The following LINGO2 variants were observed in gnomAD, a reference collection of about 807,000 sequenced individuals.
LINGO2 encodes leucine-rich repeat and immunoglobulin-like domain-containing nogo receptor-interacting protein 2.
Under a neutral mutation model 30.6 loss-of-function variants are expected in LINGO2, and 14 were observed. The observed-to-expected ratio is 0.46, with a 90% CI of 0.30 to 0.72. The LOEUF (loss-of-function observed/expected upper bound fraction) is 0.72. Ranked by LOEUF, LINGO2 falls within the 30% of genes least tolerant of loss-of-function variation. LINGO2 has a pLI of 0.07. For synonymous variants in LINGO2, 317 were observed against 288.5 expected, an observed-to-expected ratio of 1.10 and a Z score of -1.00; for missense variants, 729 against 751.7, an observed-to-expected ratio of 0.97 and a Z score of 0.35.
chr9:28,151,514 A>C (rs1233999712), intron 4 of LINGO2, among the ~76,000 whole-genome samples: 1 of 151,868 alleles, frequency 6.6e-6, no homozygotes, highest in Non-Finnish European at 1.5e-5. Context: ...ACTGCAAATC[A>C]AGTCAAGATC....
the LINGO2 span, among the ~76,000 whole-genome samples, chr9:28,772,497 A>C: frequency 6.6e-6 from 1 of 152,232 alleles, no homozygotes; most frequent in Non-Finnish European, 1.5e-5. Context: ...ATAACCAGTA[A>C]AATGAGACCC....
At chr9:29,052,772 G>A in the LINGO2 span, among the ~76,000 whole-genome samples, 1 of 152,144 alleles carries the variant, frequency 6.6e-6, no homozygotes, top group Non-Finnish European at 1.5e-5. Context: ...GGTACTACCA[G>A]TCTGGATCTT....
At chr9:28,334,616 T>C (rs954277248) in intron 3 of LINGO2, among the ~76,000 whole-genome samples, 2 of 152,070 alleles carry the variant, frequency 1.3e-5, no homozygotes, top group African/African-American at 2.4e-5. Flanking sequence ...GGGACTCTAG[T>C]AGGTTTGGGT....
chr9:28,445,750 G>A (rs2135043065), intron 2 of LINGO2, among the ~76,000 whole-genome samples: 1 of 152,232 alleles, frequency 6.6e-6, no homozygotes, highest in African/African-American at 2.4e-5. Flanking sequence ...AGGCAAAATT[G>A]CACCTGATTC....
the LINGO2 span, among the ~76,000 whole-genome samples, chr9:29,001,114 A>G: frequency 6.6e-6 from 1 of 151,118 alleles, no homozygotes; most frequent in Non-Finnish European, 1.5e-5. Context: ...TGAACGTGAG[A>G]GAGAGAGAGA....
the LINGO2 span, among the ~76,000 whole-genome samples, chr9:28,797,662 T>C: frequency 6.6e-6 from 1 of 152,068 alleles, no homozygotes; most frequent in Non-Finnish European, 1.5e-5. Context: ...TTTGGACATG[T>C]TTACTTTGAT....
chr9:28,710,495 G>A, the LINGO2 span, among the ~76,000 whole-genome samples: 32 of 151,920 alleles, frequency 2.1e-4, no homozygotes, highest in Admixed American at 3.9e-4. Context: ...AGATATTTAC[G>A]TGACTAAACC....
the LINGO2 span, among the ~76,000 whole-genome samples, chr9:28,916,047 C>T: frequency 6.6e-6 from 1 of 152,146 alleles, no homozygotes; most frequent in African/African-American, 2.4e-5. Flanking sequence ...AACACCAGTT[C>T]AGGCCATGGT....
intron 4 of LINGO2, among the ~76,000 whole-genome samples, chr9:28,021,514 G>C (rs1476195232): frequency 6.6e-6 from 1 of 152,072 alleles, no homozygotes; most frequent in Non-Finnish European, 1.5e-5. Context: ...TAAGTTGATT[G>C]GTAGAGCTGT....
At chr9:28,950,281 C>A in the LINGO2 span, among the ~76,000 whole-genome samples, 1 of 152,140 alleles carries the variant, frequency 6.6e-6, no homozygotes, top group African/African-American at 2.4e-5. Flanking sequence ...AACCCACAGC[C>A]AATATCATAT....
chr9:28,073,714 G>A (rs537076944), intron 4 of LINGO2, among the ~76,000 whole-genome samples: 1 of 152,106 alleles, frequency 6.6e-6, no homozygotes, highest in Admixed American at 6.5e-5. Flanking sequence ...AGTCAATCTT[G>A]TTCTTTGGGA....
At chr9:28,888,203 C>G in the LINGO2 span, among the ~76,000 whole-genome samples, 1 of 151,928 alleles carries the variant, frequency 6.6e-6, no homozygotes, top group Non-Finnish European at 1.5e-5. Flanking sequence ...TACTATATTC[C>G]TCCTTCAGTA....
the LINGO2 span, among the ~76,000 whole-genome samples, chr9:29,206,606 T>A: frequency 6.6e-6 from 1 of 152,188 alleles, no homozygotes; most frequent in Admixed American, 6.5e-5. Flanking sequence ...TTCACCCTAC[T>A]CTGAATTGCC....
intron 2 of LINGO2, among the ~76,000 whole-genome samples, chr9:28,455,266 T>C (rs560525196): frequency 1.3e-5 from 2 of 152,176 alleles, no homozygotes; most frequent in Admixed American, 1.3e-4. Flanking sequence ...AAGCATTGCA[T>C]GGCTACTCTA....
At chr9:28,355,045 C>T (rs1232227225) in intron 3 of LINGO2, among the ~76,000 whole-genome samples, 3 of 152,006 alleles carry the variant, frequency 2.0e-5, no homozygotes, top group African/African-American at 7.2e-5. Flanking sequence ...ACAAACTTAC[C>T]CAAAACATTC....
rs567903350 is a variant in LINGO2 at position 28,230,740 on chromosome 9, C to T, written c.-87+64468G>A. 8.6e-5 allele frequency among the ~76,000 whole-genome samples: 13 copies of T among 152,002 alleles called. No individual in the cohort carries two copies. The East Asian group carries it at 2.1e-3, about 25-fold the overall frequency. ...ATTTAGAGAATTTCATCTTCCCATA[C>T]AGGAAATGGATGTGCATACTCACTT... On this transcript the variant is annotated intron_variant, in intron 4 of 5. Transcript: ENST00000379992.
At chr9:28,309,253 TA>T (rs1161718128) in intron 3 of LINGO2, among the ~76,000 whole-genome samples, 1 of 152,074 alleles carries the variant, frequency 6.6e-6, no homozygotes, top group Non-Finnish European at 1.5e-5. Context: ...TACGCAGCCA[TA>T]AAAAATGATG....
At chr9:28,804,525 T>C in the LINGO2 span, among the ~76,000 whole-genome samples, 1 of 146,288 alleles carries the variant, frequency 6.8e-6, no homozygotes, top group African/African-American at 2.5e-5. Flanking sequence ...TTTTTTGTTG[T>C]GTTCACGGCA....
chr9:28,713,567 T>C, the LINGO2 span, among the ~76,000 whole-genome samples: 1 of 152,170 alleles, frequency 6.6e-6, no homozygotes, highest in African/African-American at 2.4e-5. Context: ...GTGTCTATTT[T>C]CTAGCATTTC....
Sources: allele counts gnomAD v4.1 joint callset (sites outside exome capture counted in the v4.1 genomes callset), GRCh38; gene constraint gnomAD v4.1.1; transcripts MANE v1.5; gene names NCBI Gene and HGNC (gene_info 2026-07-23, HGNC 2026-07-21).